Variants in DPP6 observed in about 807,000 individuals in gnomAD.
DPP6 encodes the protein dipeptidyl peptidase like 6.
DPP6 carries 69 observed loss-of-function variants against 122.6 expected under a neutral mutation model. The observed-to-expected ratio is 0.56, with a 90% CI of 0.46 to 0.69. The LOEUF is 0.69. Among genes scored for constraint, DPP6 ranks in the 30% least tolerant of loss-of-function variants. The probability of loss-of-function intolerance (pLI) is 0.00; values close to 1 mark genes in which losing one functional copy is unlikely to be tolerated. For synonymous variants in DPP6, 418 were observed against 433.1 expected (o/e 0.97, Z 0.43); for missense variants, 928 against 1,116.9 (o/e 0.83, Z 2.41).
intron 3 of DPP6, among the ~76,000 whole-genome samples, chr7:154,510,613 C>T (rs192799698): frequency 2.0e-5 from 3 of 151,684 alleles, no homozygotes; most frequent in African/African-American, 4.8e-5. Flanking sequence ...GCAGGAGAAT[C>T]GCTTGAACCT....
intron 1 of DPP6, among the ~76,000 whole-genome samples, chr7:154,157,062 T>C (rs1317915491): frequency 2.0e-5 from 3 of 152,266 alleles, no homozygotes; most frequent in African/African-American, 7.2e-5. Context: ...TAAATCCTGA[T>C]GTGTGAGGTT....
intron 5 of DPP6, among the ~76,000 whole-genome samples, chr7:154,568,222 A>T (rs1049296351): frequency 1.3e-5 from 2 of 152,152 alleles, no homozygotes; most frequent in African/African-American, 4.8e-5. Flanking sequence ...TTCCTTCATC[A>T]CCCTTGAAAA....
intron 6 of DPP6, among the ~76,000 whole-genome samples, chr7:154,656,104 G>A (rs948985288): frequency 7.3e-5 from 11 of 150,870 alleles, no homozygotes; most frequent in Non-Finnish European, 1.3e-4. Context: ...CTGCGGTCAC[G>A]CCCAGGACAC....
At chr7:153,964,651 G>A (rs189110280) in intron 1 of DPP6, among the ~76,000 whole-genome samples, 2 of 152,248 alleles carry the variant, frequency 1.3e-5, no homozygotes, top group East Asian at 3.9e-4. Context: ...TTGGGCCACC[G>A]GCGCCAACAT....
chr7:153,859,381 G>T, the DPP6 span, among the ~76,000 whole-genome samples: 1 of 152,212 alleles, frequency 6.6e-6, no homozygotes, highest in Non-Finnish European at 1.5e-5. Context: ...AGAGGACAAT[G>T]TAAGGCTAGT....
intron 5 of DPP6, among the ~76,000 whole-genome samples, chr7:154,577,613 G>C (rs1296159423): frequency 6.6e-6 from 1 of 152,176 alleles, no homozygotes; most frequent in Non-Finnish European, 1.5e-5. Context: ...TGACATGCCT[G>C]TAATTGGTAA....
intron 7 of DPP6, among the ~76,000 whole-genome samples, chr7:154,708,386 G>A (rs546452141): frequency 6.6e-6 from 1 of 152,300 alleles, no homozygotes; most frequent in South Asian, 2.1e-4. Flanking sequence ...GCTCCCGTCA[G>A]GTGAGCACAC....
intron 12 of DPP6, among the ~76,000 whole-genome samples, chr7:154,798,537 G>A (rs1040685098): frequency 6.6e-6 from 1 of 152,252 alleles, no homozygotes; most frequent in Non-Finnish European, 1.5e-5. Context: ...CGTATGCAAT[G>A]CTGCCATGAG....
chr7:154,855,108 G>T (rs910573605), intron 17 of DPP6, among the ~76,000 whole-genome samples: 5 of 152,048 alleles, frequency 3.3e-5, no homozygotes, highest in African/African-American at 7.2e-5. Flanking sequence ...GCGGTGAGGC[G>T]CATGTTGGAA....
At chr7:154,787,066 T>C (rs911972503) in intron 10 of DPP6, among the ~76,000 whole-genome samples, 1 of 152,244 alleles carries the variant, frequency 6.6e-6, no homozygotes, top group Non-Finnish European at 1.5e-5. Flanking sequence ...TTTATTTCTT[T>C]ATTATCATTG....
chr7:153,974,070 C>T lies in DPP6; in HGVS notation c.51+86336C>T, dbSNP rs2531083. On this transcript the variant is annotated intron_variant, in intron 1 of 25. Transcript: ENST00000404039. Reference sequence around the variant, plus strand: ...GCAGGTCCAATCATCTGCAAAGGATCGGGCACATTGGAGCCTGACCGTCTT... The same window carrying T: ...GCAGGTCCAATCATCTGCAAAGGATTGGGCACATTGGAGCCTGACCGTCTT... Among the ~76,000 whole-genome samples the T allele has an allele frequency of 7.2e-4, 109 of 152,140 alleles. 1 individual carries two copies. In the South Asian group the frequency reaches 0.019, roughly 27 times the overall value.
chr7:154,381,550 G>A (rs976758446), intron 1 of DPP6, among the ~76,000 whole-genome samples: 30 of 152,216 alleles, frequency 2.0e-4, no homozygotes, highest in Admixed American at 5.2e-4. Flanking sequence ...CCATCCGTAC[G>A]CTCACACTTT....
chr7:154,691,048 A>T (rs928849661), intron 7 of DPP6, among the ~76,000 whole-genome samples: 3 of 152,224 alleles, frequency 2.0e-5, no homozygotes, highest in Non-Finnish European at 2.9e-5. Flanking sequence ...CCCTCTTAGG[A>T]TCACCTGTGA....
intron 16 of DPP6, among the ~76,000 whole-genome samples, chr7:154,813,390 T>C (rs1407708415): frequency 2.6e-5 from 4 of 152,114 alleles, no homozygotes; most frequent in Non-Finnish European, 5.9e-5. Context: ...GCCAATTCCT[T>C]AATTTTTGAT....
At chr7:154,613,624 A>C (rs1834048208) in intron 5 of DPP6, among the ~76,000 whole-genome samples, 1 of 6,288 alleles carries the variant, frequency 1.6e-4, no homozygotes, top group Non-Finnish European at 9.3e-4. Context: ...TGTCTCAAAA[A>C]AAAAAAAAAA....
In DPP6 at chr7:153,899,188, T is replaced by TTCCTTCTCCTCCTCCTCC. The variant is rs1469383809; in HGVS notation, c.51+11459_51+11476dup. On this transcript the variant is annotated intron_variant, in intron 1 of 25. Transcript: ENST00000404039. ...CCTCTTCTTCCTTCTCCTCTTCCTC[T>TTCCTTCTCCTCCTCCTCC]TCCTTCTCCTCCTCCTCCTCCTCCT... 6.6e-5 allele frequency among the ~76,000 whole-genome samples: 10 copies of TTCCTTCTCCTCCTCCTCC among 150,436 alleles called. No homozygotes were observed. The East Asian group carries it at 1.9e-3, about 29-fold the overall frequency.
chr7:153,974,459 C>T (rs893072890), intron 1 of DPP6, among the ~76,000 whole-genome samples: 5 of 152,112 alleles, frequency 3.3e-5, no homozygotes, highest in Admixed American at 6.6e-5. Flanking sequence ...TCTCTTTCAG[C>T]TTTCAGAGCC....
intron 3 of DPP6, among the ~76,000 whole-genome samples, chr7:154,535,179 G>A (rs1828138681): frequency 2.0e-5 from 3 of 152,156 alleles, no homozygotes; most frequent in East Asian, 1.9e-4. Flanking sequence ...TGAAAAGAAA[G>A]GAACGTTGCT....
intron 8 of DPP6, among the ~76,000 whole-genome samples, chr7:154,731,793 A>G (rs1172145945): frequency 6.6e-6 from 1 of 152,230 alleles, no homozygotes; most frequent in Non-Finnish European, 1.5e-5. Context: ...AAGTTTGTTT[A>G]TTCATAAACT....
Sources: gnomAD v4.1 joint callset for allele counts (sites outside exome capture counted in the v4.1 genomes callset) on GRCh38, gnomAD v4.1.1 for gene constraint, MANE v1.5 for transcripts, NCBI Gene and HGNC (gene_info 2026-07-23, HGNC 2026-07-21) for gene names.